The following RIF1 variants were observed in gnomAD, a reference collection of about 807,000 sequenced individuals.
RIF1 encodes telomere-associated protein RIF1.
RIF1 carries 45 observed loss-of-function variants against 247.1 expected under a neutral mutation model. That is an observed-to-expected ratio of 0.18 (90% confidence interval 0.14 to 0.23). RIF1 has a LOEUF of 0.23. Ranked by LOEUF, RIF1 falls within the 10% of genes least tolerant of loss-of-function variation. The pLI is 1.00. For missense variants in RIF1, 2,967 were observed against 2,862.5 expected (o/e 1.04, Z -0.83); for synonymous variants, 1,087 against 978.8 (o/e 1.11, Z -2.06).
At chr2:151,517,526 T>C in the RIF1 span, among the ~76,000 whole-genome samples, 1 of 152,228 alleles carries the variant, frequency 6.6e-6, no homozygotes, top group Non-Finnish European at 1.5e-5. Flanking sequence ...CATGAATTGC[T>C]TAACAACTGG....
At chr2:151,527,085 TG>T in the RIF1 span, 1 of 1,091,804 alleles carries the variant, frequency 9.2e-7, no homozygotes, top group Non-Finnish European at 1.4e-6. Flanking sequence ...GCTGGGCATT[TG>T]ATTAAACACA....
intron 4 of RIF1, among the ~76,000 whole-genome samples, chr2:151,415,563 CAAAAAAAAAAAA>C (rs3040729): frequency 2.2e-5 from 1 of 44,874 alleles, no homozygotes; most frequent in Non-Finnish European, 3.7e-5. Flanking sequence ...GACTCTGTCT[CAAAAAAAAAAAA>C]AAAAAAAAAA....
the RIF1 span, chr2:151,519,653 C>T: frequency 1.3e-6 from 2 of 1,592,262 alleles, no homozygotes; most frequent in African/African-American, 1.3e-5. Context: ...ATTTTAGAAA[C>T]ATACCTCACT....
At chr2:151,505,957 T>A in intron 12 of RIF1, 1 of 591,856 alleles carries the variant, frequency 1.7e-6, no homozygotes, top group Non-Finnish European at 3.0e-6. Flanking sequence ...TCTCTGTTTT[T>A]CAGATCTAAT....
chr2:151,458,985 A>ATGT, intron 25 of RIF1, 75 bp downstream of exon 25: 1 of 817,274 alleles, frequency 1.2e-6, no homozygotes, highest in Non-Finnish European at 1.9e-6. Flanking sequence ...AATAAGTAGA[A>ATGT]CCTGAACAGA....
At chr2:151,496,841 A>G in intron 10 of RIF1, 1 of 1,348,476 alleles carries the variant, frequency 7.4e-7, no homozygotes, top group Non-Finnish European at 1.0e-6. Context: ...AGAAGTTCAC[A>G]AAATTTGTCT....
downstream of RIF1, chr2:151,485,827 A>G: frequency 3.1e-6 from 5 of 1,614,102 alleles, no homozygotes; most frequent in Non-Finnish European, 4.2e-6. Flanking sequence ...AGTGCCATAC[A>G]TCCAGCCTTC....
downstream of RIF1, among the ~76,000 whole-genome samples, chr2:151,511,120 G>A (rs949613079): frequency 8.5e-5 from 13 of 152,338 alleles, no homozygotes; most frequent in East Asian, 3.9e-4. Context: ...TGAAGCTTTC[G>A]TTAAAGATCA....
chr2:151,468,049 A>T lies in RIF1; in HGVS notation c.6650A>T (p.Asp2217Val), dbSNP rs752055987. The change falls in exon 31 of 36, where the codon GAT becomes GTT. Residue 2217 changes from aspartate (D) to valine (V), a missense_variant. Coordinates refer to ENST00000444746, the MANE Select transcript of RIF1 (RefSeq NM_018151.5). ...ADPIYQAGLA[D>V]DIDRRCSIVR... ...CCAATATACCAAGCAGGATTGGCAG[A>T]TGACATTGATAGACGGTGCTCTATT... 3.1e-6 allele frequency: 5 copies of T among 1,613,912 alleles called. No homozygotes were observed. Among genetic ancestry groups the T allele is most frequent in the Non-Finnish European group, 4.2e-6 (5 of 1,179,922 alleles).
Position 151,445,457 on chromosome 2 carries a change from T to C in RIF1, c.2094+12T>C. 2.4e-6 allele frequency: 3 copies of C among 1,257,814 alleles called. No homozygotes were observed. Among genetic ancestry groups the C allele is most frequent in the Non-Finnish European group, 3.5e-6 (3 of 854,894 alleles). 77.9% of individuals were successfully genotyped at this position (1,257,814 alleles called of 1,614,324 possible). A position where few individuals can be genotyped will look rare whatever the true frequency, so the allele number is the denominator to read the frequency against. On this transcript the variant is annotated intron_variant, in intron 19 of 35. Transcript: ENST00000444746. The stretch of plus-strand genomic sequence containing the variant: ...AGAGATTTCCAGTGGTAAGGCATTG[T>C]CAAGTATTGATTTCCGAGGGATTTG...
At chr2:151,533,363 G>A in the RIF1 span, 1 of 916,628 alleles carries the variant, frequency 1.1e-6, no homozygotes, top group Non-Finnish European at 1.7e-6. Flanking sequence ...GAGTGGAAGA[G>A]GAAATCAATG....
At chr2:151,518,240 G>A in the RIF1 span, 3 of 1,007,168 alleles carry the variant, frequency 3.0e-6, no homozygotes, top group South Asian at 2.6e-5. Context: ...AACAATGGAG[G>A]GAATCTATGA....
At chr2:151,424,138 T>G (rs560066051) in intron 8 of RIF1, among the ~76,000 whole-genome samples, 37 of 152,332 alleles carry the variant, frequency 2.4e-4, no homozygotes, top group African/African-American at 8.7e-4. Flanking sequence ...AGTTTCGCTC[T>G]TGTCACCCAG....
chr2:151,494,142 T>C, intron 9 of RIF1: 1 of 1,582,212 alleles, frequency 6.3e-7, no homozygotes, highest in African/African-American at 1.3e-5. Flanking sequence ...AAAAGCACTT[T>C]TGTTTCTCAA....
chr2:151,424,553 G>T (rs1444733146), intron 8 of RIF1, among the ~76,000 whole-genome samples: 1 of 152,168 alleles, frequency 6.6e-6, no homozygotes, highest in Non-Finnish European at 1.5e-5. Flanking sequence ...TAATGTTGCT[G>T]TAAACACCAG....
At chr2:151,429,230 G>T (rs1689626367) in intron 9 of RIF1, among the ~76,000 whole-genome samples, 1 of 152,110 alleles carries the variant, frequency 6.6e-6, no homozygotes, top group Non-Finnish European at 1.5e-5. Flanking sequence ...GCCCAGGCTG[G>T]AGTGCAGTGA....
chr2:151,425,020 C>T (rs1034124096), intron 8 of RIF1, among the ~76,000 whole-genome samples: 4 of 151,844 alleles, frequency 2.6e-5, no homozygotes, highest in Admixed American at 1.3e-4. Flanking sequence ...TTTACATTCC[C>T]ACCAGTAATG....
chr2:151,447,302 C>T (rs1693488608), intron 20 of RIF1, among the ~76,000 whole-genome samples: 1 of 152,214 alleles, frequency 6.6e-6, no homozygotes, highest in African/African-American at 2.4e-5. Flanking sequence ...ATGCGTCATT[C>T]CAGAATAGAC....
intron 34 of RIF1, among the ~76,000 whole-genome samples, chr2:151,471,844 G>A (rs1326374278): frequency 6.6e-6 from 1 of 152,142 alleles, no homozygotes; most frequent in Admixed American, 6.6e-5. Context: ...GATTGACTTG[G>A]CAATGCGGGC....
Sources: gnomAD v4.1 joint callset for allele counts (sites outside exome capture counted in the v4.1 genomes callset) on GRCh38, gnomAD v4.1.1 for gene constraint, MANE v1.5 for transcripts, NCBI Gene and HGNC (gene_info 2026-07-23, HGNC 2026-07-21) for gene names.